ISCU: variants seen among roughly 807,000 people sequenced by gnomAD.
ISCU encodes the protein iron-sulfur cluster assembly enzyme ISCU.
Under a neutral mutation model 18.4 loss-of-function variants are expected in ISCU, and 13 were observed. The observed-to-expected ratio is 0.71, with a 90% CI of 0.46 to 1.12. The LOEUF is 1.12. Among genes scored for constraint, ISCU ranks in the 50% most tolerant of loss-of-function variants. The pLI is 0.00. For missense variants in ISCU, 229 were observed against 208.7 expected, an observed-to-expected ratio of 1.10 and a Z score of -0.60; for synonymous variants, 104 against 87.5, an observed-to-expected ratio of 1.19 and a Z score of -1.06.
chr12:108,564,166 G>A, intron 1 of ISCU, 113 bp from the exon 2 acceptor site: 1 of 1,604,648 alleles, frequency 6.2e-7, no homozygotes, highest in South Asian at 1.1e-5. Context: ...GTGAAATTTG[G>A]TATTTAGTGA....
chr12:108,566,872 A>G (rs958978506), intron 3 of ISCU, among the ~76,000 whole-genome samples: 4 of 152,240 alleles, frequency 2.6e-5, no homozygotes, highest in Non-Finnish European at 4.4e-5. Context: ...CTACCTTTTA[A>G]GGAAGAGATT....
chr12:108,565,537 C>G (rs1592791872), intron 3 of ISCU, 106 bp downstream of exon 3: 1 of 743,850 alleles, frequency 1.3e-6, no homozygotes, highest in Non-Finnish European at 2.4e-6. Flanking sequence ...ATTATATTAT[C>G]ATTTCTTCAA....
upstream of ISCU, chr12:108,562,559 C>G: frequency 1.1e-6 from 1 of 951,480 alleles, no homozygotes; most frequent in Non-Finnish European, 1.4e-6. Flanking sequence ...AGCTCGGAGC[C>G]GACTCGCAGA....
chr12:108,564,439 T>G lies in ISCU; in HGVS notation c.228+47T>G, dbSNP rs1249535331. ...AGTGATAACAATAATCCCTTTAAGT[T>G]TACAAAGCACTTGCGCATTTCACTT... On this transcript the variant is annotated intron_variant, in intron 2 of 4. Transcript: ENST00000311893. 2.3e-6 allele frequency: 3 copies of G among 1,323,484 alleles called. No individual in the cohort carries two copies. The South Asian group carries it at 3.6e-5, about 16-fold the overall frequency. 82.0% of individuals were successfully genotyped at this position (1,323,484 alleles called of 1,614,324 possible). A position where few individuals can be genotyped will look rare whatever the true frequency, so the allele number is the denominator to read the frequency against.
At chr12:108,564,742 C>A (rs2030810088) in intron 2 of ISCU, among the ~76,000 whole-genome samples, 1 of 152,212 alleles carries the variant, frequency 6.6e-6, no homozygotes, top group South Asian at 2.1e-4. Context: ...CCCAATGAAA[C>A]AAGAAACACA....
chr12:108,564,778 G>A (rs2030811083), intron 2 of ISCU, among the ~76,000 whole-genome samples: 1 of 152,210 alleles, frequency 6.6e-6, no homozygotes, highest in Admixed American at 6.5e-5. Flanking sequence ...CCCCAGATTG[G>A]GGGAAACATG....
chr12:108,567,073 T>A (rs889358876), intron 3 of ISCU, 117 bp from the exon 4 acceptor site: 1 of 764,442 alleles, frequency 1.3e-6, no homozygotes, highest in African/African-American at 1.7e-5. Flanking sequence ...TTTGAGTTAT[T>A]AAACAGAAAT....
chr12:108,568,552 C>G, intron 4 of ISCU: 4 of 1,315,974 alleles, frequency 3.0e-6, no homozygotes, highest in Non-Finnish European at 3.9e-6. Context: ...CATGATTATC[C>G]CAGTTCTATA....
intron 4 of ISCU, 31 bp from the exon 5 acceptor site, chr12:108,568,800 A>G (rs1296598736): frequency 6.2e-7 from 1 of 1,602,312 alleles, no homozygotes; most frequent in Non-Finnish European, 8.5e-7. Context: ...ACATCTAGAA[A>G]CTTAGGCTTC....
intron 1 of ISCU, chr12:108,563,949 A>G (rs2030757778): frequency 2.7e-6 from 2 of 747,492 alleles, no homozygotes; most frequent in Admixed American, 2.0e-5. Flanking sequence ...TGAAAATAAC[A>G]AAACTGCTGT....
Position 108,568,910 on chromosome 12 carries a change from G to GA in ISCU, c.501dup (p.Ter168MetfsTer24), listed in dbSNP as rs1264156590. The GA allele has an allele frequency of 2.5e-6, 4 of 1,611,264 alleles. No individual in the cohort carries two copies. Among genetic ancestry groups the GA allele is most frequent in the Non-Finnish European group, 3.4e-6 (4 of 1,178,862 alleles). On this transcript the variant is annotated frameshift_variant, in exon 5 of 5. Coordinates refer to ENST00000311893, the MANE Select transcript of ISCU (RefSeq NM_213595.4). LOFTEE classifies it high-confidence loss of function. ...AACCCAAAAAAGGAGAGGCAGAGAA[G>GA]AAATGAGCCCTCCCTCGGCGAAGCC...
chr12:108,563,645 T>C (rs986260243), intron 1 of ISCU: 11 of 260,214 alleles, frequency 4.2e-5, no homozygotes, highest in Admixed American at 2.0e-4. Flanking sequence ...CTCCAAGGGC[T>C]TCTTCACTCC....
chr12:108,565,353 T>G lies in ISCU; in HGVS notation c.261T>G (p.Asp87Glu). The G allele has an allele frequency of 6.2e-7, 1 of 1,614,156 alleles. No individual in the cohort carries two copies. Among genetic ancestry groups the G allele is most frequent in the East Asian group, 2.2e-5 (1 of 44,890 alleles). ...IQVDEKGKIV[D>E]ARFKTFGCGS... is the part of the protein sequence containing the mutation. ...TGGATGAAAAGGGGAAGATTGTGGA[T>G]GCTAGGTTTAAAACATTTGGCTGTG... The change falls in exon 3 of 5, where the codon GAT becomes GAG. Residue 87 changes from aspartate to glutamate, a missense_variant. By Grantham distance (45) the Asp-to-Glu change is conservative (BLOSUM62 2). Coordinates refer to ENST00000311893, the MANE Select transcript of ISCU (RefSeq NM_213595.4).
chr12:108,568,316 A>G (rs2030994653), intron 4 of ISCU: 1 of 1,093,554 alleles, frequency 9.1e-7, no homozygotes, highest in Admixed American at 4.7e-5. Context: ...TGACTCCTAA[A>G]TAAAAGTGGT....
intron 4 of ISCU, chr12:108,567,804 C>T (rs568245229): frequency 1.3e-6 from 2 of 1,527,830 alleles, no homozygotes; most frequent in Admixed American, 2.0e-5. Context: ...TGTACAATGT[C>T]CCCCTCCCTG....
intron 4 of ISCU, 200 bp downstream of exon 4, chr12:108,567,468 G>C: frequency 1.4e-6 from 1 of 717,454 alleles, no homozygotes; most frequent in South Asian, 1.6e-5. Context: ...CCAGAAGGAG[G>C]TATGCACCAG....
At chr12:108,565,614 T>G (rs1020855587) in intron 3 of ISCU, among the ~76,000 whole-genome samples, 183 bp downstream of exon 3, 1 of 152,266 alleles carries the variant, frequency 6.6e-6, no homozygotes, top group African/African-American at 2.4e-5. Flanking sequence ...ATTTTTATTT[T>G]TTTGTTTGTT....
At chr12:108,564,136 G>A (rs2030770118) in intron 1 of ISCU, 143 bp from the exon 2 acceptor site, 1 of 1,612,948 alleles carries the variant, frequency 6.2e-7, no homozygotes, top group Non-Finnish European at 8.5e-7. Flanking sequence ...ATTGACATGA[G>A]TGTAGACCTT....
chr12:108,567,532 G>C, intron 4 of ISCU: 1 of 810,864 alleles, frequency 1.2e-6, no homozygotes, highest in East Asian at 2.7e-5. Context: ...AAATATCCTT[G>C]AGTGCACAGT....
Sources: allele counts gnomAD v4.1 joint callset (sites outside exome capture counted in the v4.1 genomes callset), GRCh38; gene constraint gnomAD v4.1.1; transcripts MANE v1.5; gene names NCBI Gene and HGNC (gene_info 2026-07-23, HGNC 2026-07-21).